Variants in CNTNAP5 observed in about 807,000 individuals in gnomAD.
CNTNAP5 encodes contactin associated protein family member 5.
CNTNAP5 carries 72 observed loss-of-function variants against 150.2 expected under a neutral mutation model. The ratio of observed to expected loss-of-function variants is 0.48; its 90% CI spans 0.40 to 0.58. CNTNAP5 has a LOEUF of 0.58. Among genes scored for constraint, CNTNAP5 ranks in the 20% least tolerant of loss-of-function variants. The pLI is 0.00. For missense variants in CNTNAP5, 1,636 were observed against 1,626.2 expected (o/e 1.01, Z -0.10); for synonymous variants, 672 against 619.8 (o/e 1.08, Z -1.25).
chr2:124,797,071 T>C (rs977787166), intron 18 of CNTNAP5, among the ~76,000 whole-genome samples: 3 of 152,254 alleles, frequency 2.0e-5, no homozygotes, highest in African/African-American at 7.2e-5. Flanking sequence ...TTGGCAACTC[T>C]CTTAAGTGCT....
chr2:124,730,200 T>C (rs985013833), intron 13 of CNTNAP5, among the ~76,000 whole-genome samples: 4 of 152,052 alleles, frequency 2.6e-5, no homozygotes, highest in African/African-American at 9.7e-5. Context: ...ATAAAAATCC[T>C]GTCTTAAATC....
At chr2:124,914,012 C>T in intron 23 of CNTNAP5, 80 bp from the exon 24 acceptor site, 1 of 1,001,052 alleles carries the variant, frequency 1.0e-6, no homozygotes, top group Non-Finnish European at 1.5e-6. Context: ...ACGCATTCCC[C>T]TCATCTGGAG....
intron 3 of CNTNAP5, among the ~76,000 whole-genome samples, chr2:124,378,851 A>G (rs1690719420): frequency 6.6e-6 from 1 of 152,152 alleles, no homozygotes; most frequent in African/African-American, 2.4e-5. Context: ...ACATCTTGAG[A>G]AAGGGAAACA....
chr2:124,466,527 CA>C (rs1236327981), intron 6 of CNTNAP5, among the ~76,000 whole-genome samples: 1 of 152,072 alleles, frequency 6.6e-6, no homozygotes, highest in Non-Finnish European at 1.5e-5. Context: ...TCATGCTTCA[CA>C]AAAAGTAAGG....
intron 13 of CNTNAP5, among the ~76,000 whole-genome samples, chr2:124,738,658 C>T (rs1486418812): frequency 1.3e-5 from 2 of 150,886 alleles, no homozygotes; most frequent in African/African-American, 4.9e-5. Flanking sequence ...TTGAACCTGG[C>T]AGGCAGAGGT....
At chr2:124,812,327 T>C (rs1452943613) in intron 19 of CNTNAP5, among the ~76,000 whole-genome samples, 1 of 150,192 alleles carries the variant, frequency 6.7e-6, no homozygotes, top group Non-Finnish European at 1.5e-5. Flanking sequence ...AGAGCACACA[T>C]ATGGAAACCA....
At chr2:124,150,240 T>A (rs1684373128) in intron 1 of CNTNAP5, among the ~76,000 whole-genome samples, 2 of 151,334 alleles carry the variant, frequency 1.3e-5, no homozygotes, top group Admixed American at 6.6e-5. Flanking sequence ...TTTAAATTAG[T>A]GTGTTAAGTA....
intron 1 of CNTNAP5, among the ~76,000 whole-genome samples, chr2:124,113,925 C>CTATA (rs371751616): frequency 6.7e-6 from 1 of 150,126 alleles, no homozygotes; most frequent in Non-Finnish European, 1.5e-5. Flanking sequence ...GTCTCTCTCT[C>CTATA]TATATATATA....
intron 8 of CNTNAP5, among the ~76,000 whole-genome samples, chr2:124,518,182 T>G (rs1694773329): frequency 6.6e-6 from 1 of 152,190 alleles, no homozygotes; most frequent in Non-Finnish European, 1.5e-5. Flanking sequence ...GAATATCTCT[T>G]AACTGTTCTG....
chr2:124,818,224 T>A (rs893872502), intron 19 of CNTNAP5, among the ~76,000 whole-genome samples: 6 of 152,152 alleles, frequency 3.9e-5, no homozygotes, highest in African/African-American at 1.4e-4. Flanking sequence ...CACTTGTCCC[T>A]CAGCTTCCTC....
At chr2:124,445,650 T>A (rs1573999484) in intron 5 of CNTNAP5, among the ~76,000 whole-genome samples, 1 of 151,858 alleles carries the variant, frequency 6.6e-6, no homozygotes, top group Non-Finnish European at 1.5e-5. Flanking sequence ...GAGGTGGGAG[T>A]GAGCAGCCTT....
At chr2:124,654,628 C>T (rs1173229499) in intron 13 of CNTNAP5, among the ~76,000 whole-genome samples, 2 of 152,150 alleles carry the variant, frequency 1.3e-5, no homozygotes, top group Non-Finnish European at 2.9e-5. Context: ...CCCACTTTCA[C>T]CATGCTCACA....
chr2:124,320,516 C>T (rs575222678), intron 3 of CNTNAP5, among the ~76,000 whole-genome samples: 171 of 152,226 alleles, frequency 1.1e-3, no homozygotes, highest in Middle Eastern at 0.01. Flanking sequence ...GAGCAGCTGC[C>T]ACAGCCACTG....
intron 7 of CNTNAP5, among the ~76,000 whole-genome samples, chr2:124,498,005 C>G (rs966857824): frequency 6.6e-6 from 1 of 152,208 alleles, no homozygotes; most frequent in Non-Finnish European, 1.5e-5. Flanking sequence ...CATGACACTC[C>G]TGTCCATCAG....
At chr2:124,684,519 A>G (rs1313093881) in intron 13 of CNTNAP5, among the ~76,000 whole-genome samples, 1 of 152,156 alleles carries the variant, frequency 6.6e-6, no homozygotes, top group East Asian at 1.9e-4. Flanking sequence ...TGTAAACTGG[A>G]AACAGCTGCC....
At chr2:124,862,324 C>T (rs1296165431) in intron 19 of CNTNAP5, among the ~76,000 whole-genome samples, 1 of 152,142 alleles carries the variant, frequency 6.6e-6, no homozygotes, top group Non-Finnish European at 1.5e-5. Flanking sequence ...AATTGCATCG[C>T]ATTCATGGCC....
rs1869500 is a variant in CNTNAP5, at chr2:124,679,493, C to T, written c.2077+31535C>T. On this transcript the variant is annotated intron_variant, in intron 13 of 23. Coordinates refer to ENST00000682447, the MANE Select transcript of CNTNAP5 (RefSeq NM_001367498.1). ...TATTTTACAGGTGAGGAAACTGAGG[C>T]GCTTTTTCCAAATCACTAATTATGA... Among the ~76,000 whole-genome samples, 37 of 151,482 alleles carry T rather than the reference C, an allele frequency of 2.4e-4. 1 individual carries two copies. The highest frequency in any genetic ancestry group is 1.3e-3 in the Admixed American group (19 of 14,840).
chr2:124,686,691 G>A (rs1481386748), intron 13 of CNTNAP5, among the ~76,000 whole-genome samples: 1 of 152,064 alleles, frequency 6.6e-6, no homozygotes, highest in Non-Finnish European at 1.5e-5. Flanking sequence ...AACCTGCGGA[G>A]TTGTGAAAAA....
chr2:124,339,854 G>A (rs1031516998), intron 3 of CNTNAP5, among the ~76,000 whole-genome samples: 3 of 151,946 alleles, frequency 2.0e-5, no homozygotes, highest in Admixed American at 6.6e-5. Context: ...GTGGAAAGTG[G>A]TTTTCTTCCC....
Sources: gnomAD v4.1 joint callset for allele counts (sites outside exome capture counted in the v4.1 genomes callset) on GRCh38, gnomAD v4.1.1 for gene constraint, MANE v1.5 for transcripts, NCBI Gene and HGNC (gene_info 2026-07-23, HGNC 2026-07-21) for gene names.